ABCC3: variants seen among roughly 807,000 people sequenced by gnomAD.
ABCC3 encodes the protein ATP binding cassette subfamily C member 3, also known as ATP-binding cassette sub-family C member 3.
A neutral mutation model predicts 165.3 loss-of-function variants in ABCC3; 121 were observed. The observed-to-expected ratio is 0.73, with a 90% CI of 0.63 to 0.85. ABCC3 has a LOEUF of 0.85. Among genes scored for constraint, ABCC3 ranks in the 40% least tolerant of loss-of-function variants. The pLI is 0.00. For synonymous variants in ABCC3, 733 were observed against 810.1 expected, an observed-to-expected ratio of 0.90 and a Z score of 1.62; for missense variants, 1,869 against 1,964.1, an observed-to-expected ratio of 0.95 and a Z score of 0.92.
intron 14 of ABCC3, 110 bp from the exon 15 acceptor site, chr17:50,668,743 C>G: frequency 1.1e-6 from 1 of 932,368 alleles, no homozygotes; most frequent in South Asian, 1.4e-5. Context: ...ATCCCCTCCC[C>G]ATGGCCCAGG....
chr17:50,673,412 T>A, intron 18 of ABCC3, 57 bp from the exon 19 acceptor site: 1 of 1,580,462 alleles, frequency 6.3e-7, no homozygotes, highest in Non-Finnish European at 8.6e-7. Flanking sequence ...GCTCCGTGCC[T>A]GTGCCAGGGG....
chr17:50,644,380 G>A (rs1181372752), intron 1 of ABCC3, among the ~76,000 whole-genome samples: 1 of 150,998 alleles, frequency 6.6e-6, no homozygotes, highest in Non-Finnish European at 1.5e-5. Flanking sequence ...GAAGCAGGGA[G>A]TGCAGATCAC....
chr17:50,672,206 T>C (rs879407951), intron 17 of ABCC3, among the ~76,000 whole-genome samples: 32 of 152,234 alleles, frequency 2.1e-4, no homozygotes, highest in Admixed American at 1.8e-3. Flanking sequence ...AACATGCACT[T>C]TGGAAGGAAC....
At position 50,684,861 on chromosome 17, in the gene ABCC3, C is replaced by T. The variant is rs146834424; in HGVS notation, c.4266C>T (p.Gly1422=). The part of the protein sequence containing the change: ...PAGLDFQCSE[G]GENLSVGQRQ... ...GCCTGGACTTCCAGTGCTCAGAGGG[C>T]GGGGAGAATCTCAGGTAAACACTGG... Residue 1422 remains glycine, a synonymous_variant, in exon 29 of 31, where the codon GGC becomes GGT. Coordinates refer to ENST00000285238, the MANE Select transcript of ABCC3 (RefSeq NM_003786.4). 438 of 1,613,922 alleles carry T rather than the reference C, an allele frequency of 2.7e-4. 1 individual carries two copies. Among genetic ancestry groups the T allele is most frequent in the South Asian group, 1.4e-3 (128 of 91,058 alleles).
In ABCC3 at chr17:50,676,470, T is replaced by C. The variant is rs1449519009; in HGVS notation, c.3260T>C (p.Ile1087Thr). The C allele has an allele frequency of 1.2e-6, 2 of 1,614,198 alleles. No homozygotes were observed. Among genetic ancestry groups the C allele is most frequent in the Non-Finnish European group, 1.7e-6 (2 of 1,180,042 alleles). Residue 1087 changes from isoleucine (I) to threonine (T), a missense_variant, in exon 23 of 31, where the codon ATC (isoleucine) becomes ACC (threonine). By Grantham distance (89) the Ile-to-Thr change is moderately conservative. Coordinates refer to ENST00000285238, the MANE Select transcript of ABCC3 (RefSeq NM_003786.4). ...GTTGATGAGGTTCTGGCCCCTGTCA[T>C]CCTCATGCTGCTCAATTCCTTCTTC... ...YVVDEVLAPV[I>T]LMLLNSFFNA...
rs760798469 is a variant in ABCC3, at chr17:50,667,904, A to T, written c.1677A>T (p.Pro559=). Residue 559 remains proline (P), a synonymous_variant, in exon 13 of 31, where the codon CCA becomes CCT. Coordinates refer to ENST00000285238, the MANE Select transcript of ABCC3 (RefSeq NM_003786.4). ...TCTGGGTGTACGTGTACGTGGACCC[A>T]AACAATGTGCTGGACGCCGAGAAGG... ...ITLWVYVYVD[P]NNVLDAEKAF... is the part of the protein sequence containing the mutation. The T allele has an allele frequency of 1.2e-6, 2 of 1,614,076 alleles. No individual in the cohort carries two copies. Among genetic ancestry groups the T allele is most frequent in the Non-Finnish European group, 1.7e-6 (2 of 1,180,014 alleles).
chr17:50,691,183 G>A lies in ABCC3; in HGVS notation c.4567G>A (p.Asp1523Asn), dbSNP rs749478863. The A allele has an allele frequency of 8.7e-6, 14 of 1,613,968 alleles. No homozygotes were observed. The highest frequency in any genetic ancestry group is 1.2e-5 in the Non-Finnish European group (14 of 1,179,792). Residue 1523 changes from aspartate to asparagine, a missense_variant, in exon 31 of 31, where the codon GAT (aspartate) becomes AAT (asparagine). Coordinates refer to ENST00000285238, the MANE Select transcript of ABCC3 (RefSeq NM_003786.4). ...ARGIFYGMAR[D>N]AGLA ...AGGCATCTTCTACGGGATGGCCAGA[G>A]ATGCTGGACTTGCCTAAAATATATT...
rs1396264236 is a variant in ABCC3 at position 50,673,900 on chromosome 17, T to TTTTCTTTCTTTCTTTC, written c.2599+308_2599+323dup. Among the ~76,000 whole-genome samples the TTTTCTTTCTTTCTTTC allele has an allele frequency of 5.3e-4, 70 of 131,616 alleles. 15 individuals carry two copies. Among genetic ancestry groups the TTTTCTTTCTTTCTTTC allele is most frequent in the South Asian group, 1.0e-3 (4 of 3,864 alleles). The allele number at this position is 131,616 out of a possible 152,430, so 86.3% of individuals were successfully genotyped here. A position where few individuals can be genotyped will look rare whatever the true frequency, so the allele number is the denominator to read the frequency against. On this transcript the variant is annotated intron_variant, in intron 19 of 30. Coordinates refer to ENST00000285238, the MANE Select transcript of ABCC3 (RefSeq NM_003786.4). ...TCCTCCGCCCCGGTCTCAGAGCCTGTTTTCTTTCTTTCTTTCTTTCTTTCT... is the reference window on the plus strand; with the variant it reads ...TCCTCCGCCCCGGTCTCAGAGCCTGTTTTCTTTCTTTCTTTCTTTCTTTCTTTCTTTCTTTCTTTCT...
In ABCC3 at chr17:50,661,014, C is replaced by T; in HGVS notation, c.898C>T (p.Leu300=). The change falls in exon 8 of 31, where the codon CTG becomes TTG. Residue 300 remains leucine, a synonymous_variant. Transcript: ENST00000285238. ...ARPRPRKPSF[L]KALLATFGSS... ...GCCCAGGCCCCGGAAGCCCTCCTTC[C>T]TGAAGGCCCTGCTGGCCACCTTCGG... is the stretch of plus-strand genomic sequence containing the variant. 6.2e-7 allele frequency: 1 copy of T among 1,614,164 alleles called. No homozygotes were observed. The highest frequency in any genetic ancestry group is 8.5e-7 in the Non-Finnish European group (1 of 1,180,016).
intron 1 of ABCC3, among the ~76,000 whole-genome samples, chr17:50,649,352 GC>G (rs1967066200): frequency 6.6e-6 from 1 of 152,094 alleles, no homozygotes; most frequent in Admixed American, 6.6e-5. Context: ...ATCAGTATTT[GC>G]CTTATTTGGG....
Position 50,673,151 on chromosome 17 carries a change from A to G in ABCC3, c.2409+13A>G, listed in dbSNP as rs1333957872. 7.4e-6 allele frequency: 12 copies of G among 1,613,248 alleles called. No homozygotes were observed. The highest frequency in any genetic ancestry group is 9.3e-6 in the Non-Finnish European group (11 of 1,179,998). On this transcript the variant is annotated intron_variant, in intron 18 of 30. Transcript: ENST00000285238. ...GCTGGCAGGCAAGGTGAGGCCTGCC[A>G]GAGGCTAAGGGGGCTAAGGTGAGAT...
intron 25 of ABCC3, 42 bp from the exon 26 acceptor site, chr17:50,679,756 G>C (rs1967894630): frequency 6.4e-7 from 1 of 1,564,274 alleles, no homozygotes; most frequent in African/African-American, 1.4e-5. Context: ...TTACGGTGGG[G>C]AGGGGAGATC....
At chr17:50,662,182 T>C (rs7216383) in intron 8 of ABCC3, 48,539 of 152,244 alleles carry the variant, frequency 0.32, 9,220 homozygotes, top group African/African-American at 0.54. Flanking sequence ...ATGAGACAAG[T>C]ATTCAGGAGC....
intron 1 of ABCC3, among the ~76,000 whole-genome samples, chr17:50,645,371 CAAAAAAAA>C (rs141598761): frequency 8.5e-5 from 4 of 46,848 alleles, no homozygotes; most frequent in African/African-American, 2.7e-4. Context: ...AAGATTCCAT[CAAAAAAAA>C]AAAAAAAAAA....
At chr17:50,660,316 G>A (rs970917866) in intron 7 of ABCC3, among the ~76,000 whole-genome samples, 1 of 152,168 alleles carries the variant, frequency 6.6e-6, no homozygotes, top group Non-Finnish European at 1.5e-5. Context: ...AGCTGACGCT[G>A]AGCATCATCT....
Position 50,655,919 on chromosome 17 carries a change from C to A in ABCC3, c.133C>A (p.Leu45Met). ...SLLAWVPCIY[L>M]WVALPCYLLY... ...GCTGGCCTGGGTGCCCTGCATCTACCTGTGGGTCGCCCTGCCCTGCTACTT... is the reference window on the plus strand; with the variant it reads ...GCTGGCCTGGGTGCCCTGCATCTACATGTGGGTCGCCCTGCCCTGCTACTT... The change falls in exon 2 of 31, where the codon CTG becomes ATG. Residue 45 changes from leucine (L) to methionine (M), a missense_variant. Transcript: ENST00000285238. 6.2e-7 allele frequency: 1 copy of A among 1,614,050 alleles called. No homozygotes were observed. The highest frequency in any genetic ancestry group is 8.5e-7 in the Non-Finnish European group (1 of 1,180,010).
chr17:50,667,604 C>T lies in ABCC3; in HGVS notation c.1482C>T (p.Ile494=), dbSNP rs756993028. The change falls in exon 12 of 31, where the codon ATC becomes ATT. Residue 494 remains isoleucine (I), a synonymous_variant. Coordinates refer to ENST00000285238, the MANE Select transcript of ABCC3 (RefSeq NM_003786.4). The part of the protein sequence containing the change: ...KDSRIKLMSE[I]LNGIKVLKLY... ...CGCGCATCAAGCTGATGAGTGAGAT[C>T]CTGAACGGCATCAAGGTGCTGAAGC... 4.3e-6 allele frequency: 7 copies of T among 1,613,984 alleles called. No individual in the cohort carries two copies. In the South Asian group the frequency reaches 7.7e-5, roughly 18 times the overall value.
intron 6 of ABCC3, among the ~76,000 whole-genome samples, chr17:50,658,735 G>A (rs907317081): frequency 6.6e-6 from 1 of 152,262 alleles, no homozygotes; most frequent in Admixed American, 6.5e-5. Context: ...CTGGCAGGCT[G>A]TGGGGACAGG....
chr17:50,682,034 C>T (rs149274000), intron 26 of ABCC3, among the ~76,000 whole-genome samples: 4 of 152,144 alleles, frequency 2.6e-5, no homozygotes, highest in African/African-American at 4.8e-5. Flanking sequence ...ACGGCCCGTT[C>T]TCTGACGCCT....
Sources: gnomAD v4.1 joint callset for allele counts (sites outside exome capture counted in the v4.1 genomes callset) on GRCh38, gnomAD v4.1.1 for gene constraint, MANE v1.5 for transcripts, NCBI Gene and HGNC (gene_info 2026-07-23, HGNC 2026-07-21) for gene names.